Variants in MAST4 observed in about 807,000 individuals in gnomAD.
The protein encoded by MAST4 is microtubule associated serine/threonine kinase family member 4.
A neutral mutation model predicts 162.7 loss-of-function variants in MAST4; 89 were observed. That is an observed-to-expected ratio of 0.55 (90% CI 0.46 to 0.65). The LOEUF (loss-of-function observed/expected upper bound fraction) is 0.65. Among genes scored for constraint, MAST4 ranks in the 30% least tolerant of loss-of-function variants. MAST4 has a pLI of 0.00. For synonymous variants in MAST4, 1,479 were observed against 1,361.1 expected (o/e 1.09, Z -1.91); for missense variants, 3,153 against 3,374.0 (o/e 0.93, Z 1.62).
intron 1 of MAST4, among the ~76,000 whole-genome samples, chr5:66,651,810 A>G (rs1166327599): frequency 3.3e-5 from 5 of 152,030 alleles, no homozygotes; most frequent in Non-Finnish European, 7.4e-5. Flanking sequence ...TCATGTACTT[A>G]TTGCTAAGAT....
intron 4 of MAST4, among the ~76,000 whole-genome samples, chr5:67,041,505 A>G (rs1756737888): frequency 6.6e-6 from 1 of 152,206 alleles, no homozygotes; most frequent in Non-Finnish European, 1.5e-5. Context: ...CTTCCACAAC[A>G]TCAAGTACTC....
At chr5:66,866,257 A>G (rs796179673) in intron 3 of MAST4, among the ~76,000 whole-genome samples, 17 of 152,228 alleles carry the variant, frequency 1.1e-4, no homozygotes, top group African/African-American at 3.9e-4. Context: ...TCTCAAGCTA[A>G]TTTGAAAAGT....
intron 19 of MAST4, among the ~76,000 whole-genome samples, chr5:67,140,041 G>T (rs1371503893): frequency 6.6e-6 from 1 of 152,230 alleles, no homozygotes; most frequent in East Asian, 1.9e-4. Context: ...CCTGACACTG[G>T]CTGCAGTCTG....
intron 1 of MAST4, among the ~76,000 whole-genome samples, chr5:66,706,835 T>C (rs1017172432): frequency 3.9e-5 from 6 of 152,350 alleles, no homozygotes; most frequent in Non-Finnish European, 8.8e-5. Flanking sequence ...ATCTTGACTA[T>C]AAGAAACTTT....
At chr5:66,719,335 G>A (rs903759127) in intron 1 of MAST4, among the ~76,000 whole-genome samples, 3 of 152,054 alleles carry the variant, frequency 2.0e-5, no homozygotes, top group Non-Finnish European at 4.4e-5. Flanking sequence ...CTTCCCAATG[G>A]GAAATCACAG....
At chr5:67,000,616 C>T (rs1428710662) in intron 4 of MAST4, among the ~76,000 whole-genome samples, 7 of 151,996 alleles carry the variant, frequency 4.6e-5, no homozygotes, top group African/African-American at 9.7e-5. Flanking sequence ...GGTGTGGTGG[C>T]GACTGCCTGT....
intron 4 of MAST4, among the ~76,000 whole-genome samples, chr5:66,907,584 A>T: frequency 2.1e-5 from 1 of 47,464 alleles, no homozygotes. Context: ...GCATAGGTTG[A>T]TGCGTGTGTG....
intron 5 of MAST4, among the ~76,000 whole-genome samples, chr5:67,088,501 AGCC>A (rs1763499343): frequency 1.3e-5 from 2 of 152,212 alleles, no homozygotes; most frequent in Non-Finnish European, 2.9e-5. Context: ...CAAAATTTTT[AGCC>A]ATCTTGAAAT....
intron 2 of MAST4, among the ~76,000 whole-genome samples, chr5:66,765,323 A>C (rs2149624249): frequency 6.6e-6 from 1 of 152,304 alleles, no homozygotes; most frequent in Admixed American, 6.5e-5. Context: ...ATAGTTGCTC[A>C]AGTCACTGAT....
At position 66,840,301 on chromosome 5, in the gene MAST4, A is replaced by G. The variant is rs918575736; in HGVS notation, c.642+51507A>G. ...AGTGATTGTTTTATCTTTTTTAATTACCTGTTTTCTCAATTTTAGCATCGT... is the reference window on the plus strand; with the variant it reads ...AGTGATTGTTTTATCTTTTTTAATTGCCTGTTTTCTCAATTTTAGCATCGT... On this transcript the variant is annotated intron_variant, in intron 3 of 28. Transcript: ENST00000403625. 2.6e-5 allele frequency among the ~76,000 whole-genome samples: 4 copies of G among 152,042 alleles called. No individual in the cohort carries two copies. The East Asian group carries it at 7.7e-4, about 29-fold the overall frequency.
chr5:67,139,892 C>T (rs115993706), intron 19 of MAST4, among the ~76,000 whole-genome samples: 4,309 of 152,236 alleles, frequency 0.028, 89 homozygotes, highest in Non-Finnish European at 0.039. Flanking sequence ...GGCACAAAGG[C>T]CAAAGGGTGA....
At chr5:66,598,623 C>T (rs945370698) in intron 1 of MAST4, among the ~76,000 whole-genome samples, 1 of 152,206 alleles carries the variant, frequency 6.6e-6, no homozygotes. Context: ...CCCTTAACTT[C>T]TGCCTCCACT....
At chr5:66,658,725 A>G (rs1746709642) in intron 1 of MAST4, among the ~76,000 whole-genome samples, 1 of 152,202 alleles carries the variant, frequency 6.6e-6, no homozygotes, top group Non-Finnish European at 1.5e-5. Context: ...TTAGGGATGC[A>G]GCAACAAATA....
chr5:66,788,607 C>CCAAACAAAAAAACAAAAA, intron 2 of MAST4, 63 bp from the exon 3 acceptor site: 1 of 1,373,728 alleles, frequency 7.3e-7, no homozygotes. Flanking sequence ...CCCCCACCCC[C>CCAAACAAAAAAACAAAAA]ATTGCAATAA....
chr5:67,145,440 C>G, intron 23 of MAST4, 61 bp downstream of exon 23: 1 of 1,471,852 alleles, frequency 6.8e-7, no homozygotes, highest in Non-Finnish European at 9.4e-7. Flanking sequence ...TCCTAGTGCT[C>G]AGTCCCAGGG....
At chr5:66,941,441 G>T (rs1580953526) in intron 4 of MAST4, among the ~76,000 whole-genome samples, 1 of 152,096 alleles carries the variant, frequency 6.6e-6, no homozygotes, top group African/African-American at 2.4e-5. Context: ...ACTTCTGCTA[G>T]CTTCCATCTT....
At chr5:66,968,057 T>C (rs1012337784) in intron 4 of MAST4, among the ~76,000 whole-genome samples, 8 of 152,168 alleles carry the variant, frequency 5.3e-5, no homozygotes, top group African/African-American at 1.7e-4. Flanking sequence ...GCTATCTCAT[T>C]TCACATTCTC....
chr5:66,899,963 C>T lies in MAST4; in HGVS notation c.655C>T (p.Leu219Phe). ...SLTASLKELSLPRRGSFCRTS... is the reference protein window; with the variant it reads ...SLTASLKELSFPRRGSFCRTS... ...TTTTCTTTTGCAGAAGGAGCTGAGTCTCCCCAGAAGAGGAAGTTTGTAAGT... is the reference window on the plus strand; with the variant it reads ...TTTTCTTTTGCAGAAGGAGCTGAGTTTCCCCAGAAGAGGAAGTTTGTAAGT... The change falls in exon 4 of 29, where the codon CTC becomes TTC. Residue 219 changes from leucine (L) to phenylalanine (F), a missense_variant. By Grantham distance (22) the Leu-to-Phe change is conservative. Around this residue, in one of 7 missense-constraint regions of MAST4, gnomAD observed 327 missense variants for 336.5 expected, o/e 0.97. Coordinates refer to ENST00000403625, the MANE Select transcript of MAST4 (RefSeq NM_001164664.2). 3.3e-6 allele frequency: 5 copies of T among 1,520,876 alleles called. No homozygotes were observed. Among genetic ancestry groups the T allele is most frequent in the Non-Finnish European group, 4.4e-6 (5 of 1,135,412 alleles). The allele number at this position is 1,520,876 out of a possible 1,614,324, so 94.2% of individuals were successfully genotyped here.
chr5:66,685,307 C>A (rs1188395706), intron 1 of MAST4, among the ~76,000 whole-genome samples: 11 of 117,796 alleles, frequency 9.3e-5, no homozygotes, highest in Non-Finnish European at 1.9e-4. Context: ...AAAACAAAAC[C>A]ACACACCCCA....
Sources: allele counts gnomAD v4.1 joint callset (sites outside exome capture counted in the v4.1 genomes callset), GRCh38; gene constraint gnomAD v4.1.1; regional missense constraint gnomAD v4.1.1; transcripts MANE v1.5; gene names NCBI Gene and HGNC (gene_info 2026-07-23, HGNC 2026-07-21).